Variants in FMN1 observed in about 807,000 individuals in gnomAD.
FMN1 encodes formin 1, also known as formin-1.
A neutral mutation model predicts 132.4 loss-of-function variants in FMN1; 110 were observed. The observed-to-expected ratio is 0.83, with a 90% CI of 0.71 to 0.97. The LOEUF is 0.97. FMN1 is among the 50% of genes least tolerant of loss of function. The pLI is 0.00. For missense variants in FMN1, 1,792 were observed against 1,705.3 expected (o/e 1.05, Z -0.90); for synonymous variants, 722 against 651.7 (o/e 1.11, Z -1.64).
At chr15:32,973,685 C>CA (rs2031978874) in intron 7 of FMN1, among the ~76,000 whole-genome samples, 2 of 151,994 alleles carry the variant, frequency 1.3e-5, no homozygotes, top group Admixed American at 1.3e-4. Context: ...CAGAGCAACT[C>CA]AAAGTGATTA....
At chr15:32,982,653 T>A (rs764381826) in intron 7 of FMN1, among the ~76,000 whole-genome samples, 13 of 152,132 alleles carry the variant, frequency 8.5e-5, no homozygotes, top group African/African-American at 3.1e-4. Flanking sequence ...CTAATGTAGG[T>A]GGGCCTCATG....
At position 33,154,106 on chromosome 15, in the gene FMN1, T is replaced by G. The variant is rs1964566873; in HGVS notation, c.809A>C (p.Asp270Ala). The G allele has an allele frequency of 1.2e-5, 18 of 1,536,224 alleles. No homozygotes were observed. The highest frequency in any genetic ancestry group is 1.6e-5 in the Non-Finnish European group (18 of 1,146,958). Residue 270 changes from aspartate to alanine, a missense_variant, in exon 4 of 21, where the codon GAC (aspartate) becomes GCC (alanine). Transcript: ENST00000616417. Reference sequence around the variant, plus strand: ...CCCTCCTGCCTCTGTGGAGCTGCAGTCAGGGGGCAGCACTTCTCTTCCAAG... The same window carrying G: ...CCCTCCTGCCTCTGTGGAGCTGCAGGCAGGGGGCAGCACTTCTCTTCCAAG... ...TGLGREVLPP[D>A]CSSTEAGGDG...
rs375946949 is a variant in FMN1, at chr15:32,995,255, T to C, written c.2223+12759A>G. Among the ~76,000 whole-genome samples, 11 of 152,262 alleles carry C rather than the reference T, an allele frequency of 7.2e-5. No individual in the cohort carries two copies. The South Asian group carries it at 2.3e-3, about 32-fold the overall frequency. On this transcript the variant is annotated intron_variant, in intron 7 of 20. Transcript: ENST00000616417. Reference sequence around the variant, plus strand: ...AGACACCTGTAACAGCTTTCCAAGATAGTGTATGAAATTGCCACAATCAGA... The same window carrying C: ...AGACACCTGTAACAGCTTTCCAAGACAGTGTATGAAATTGCCACAATCAGA...
At chr15:33,155,475 G>A (rs1241303369) in intron 3 of FMN1, among the ~76,000 whole-genome samples, 2 of 152,124 alleles carry the variant, frequency 1.3e-5, no homozygotes, top group Non-Finnish European at 2.9e-5. Context: ...ACTTTGCAAA[G>A]GTAGATCGAT....
intron 4 of FMN1, chr15:33,149,976 T>C: frequency 1.0e-6 from 1 of 985,344 alleles, no homozygotes; most frequent in Non-Finnish European, 1.2e-6. Context: ...AATTACATAT[T>C]TTCATGGGCA....
chr15:32,990,934 C>G (rs1349867395), intron 7 of FMN1, among the ~76,000 whole-genome samples: 5 of 152,150 alleles, frequency 3.3e-5, no homozygotes, highest in African/African-American at 1.2e-4. Flanking sequence ...TTAATTACCT[C>G]CCACCAGGTT....
At chr15:33,061,546 TCCTA>T (rs1002210429) in intron 6 of FMN1, among the ~76,000 whole-genome samples, 9 of 152,114 alleles carry the variant, frequency 5.9e-5, no homozygotes, top group African/African-American at 1.4e-4. Context: ...ACATTATCAT[TCCTA>T]CCTCACATTG....
intron 16 of FMN1, among the ~76,000 whole-genome samples, chr15:32,863,425 C>T (rs2059321582): frequency 6.6e-6 from 1 of 152,132 alleles, no homozygotes; most frequent in African/African-American, 2.4e-5. Flanking sequence ...CAGAGCGAGA[C>T]TCCATCTCAA....
At chr15:33,164,030 G>C (rs1965000880) in intron 3 of FMN1, among the ~76,000 whole-genome samples, 1 of 152,090 alleles carries the variant, frequency 6.6e-6, no homozygotes, top group African/African-American at 2.4e-5. Flanking sequence ...ATGAAACATG[G>C]GAAAAAAGGC....
rs148423247 is a variant in FMN1, at chr15:32,842,223, C to T, written c.3928+14792G>A. On this transcript the variant is annotated intron_variant, in intron 17 of 20. Coordinates refer to ENST00000616417, the MANE Select transcript of FMN1 (RefSeq NM_001277313.2). ...AACTATGTAAGAAGGCTAACTACTG[C>T]GAGACCACCATGCTATGAGAAAGCG... Among the ~76,000 whole-genome samples the T allele has an allele frequency of 4.0e-3, 607 of 152,298 alleles. 3 individuals carry two copies. Among genetic ancestry groups the T allele is most frequent in the African/African-American group, 0.014 (579 of 41,568 alleles).
At position 32,769,404 on chromosome 15, in the gene FMN1, A is replaced by G. The variant is rs2056152856; in HGVS notation, c.*4906T>C. The G allele has an allele frequency of 6.6e-6, 1 of 152,240 alleles. No homozygotes were observed. Among genetic ancestry groups the G allele is most frequent in the South Asian group, 2.1e-4 (1 of 4,836 alleles). 9.4% of individuals were successfully genotyped at this position (152,240 alleles called of 1,614,324 possible). ...GTGAAACCAAAATGCAGTGCCTCTA[A>G]TAAGGTGTCAACAGCGGACAGGTGT... On this transcript the variant is annotated 3_prime_UTR_variant, in exon 21 of 21. Transcript: ENST00000616417.
At chr15:33,106,923 T>C (rs2039509634) in intron 4 of FMN1, among the ~76,000 whole-genome samples, 1 of 152,064 alleles carries the variant, frequency 6.6e-6, no homozygotes, top group African/African-American at 2.4e-5. Context: ...CAGTCTCAGT[T>C]TTAAATATCA....
intron 6 of FMN1, chr15:33,064,181 G>C (rs1354503651): frequency 2.0e-5 from 3 of 152,122 alleles, no homozygotes; most frequent in Admixed American, 2.0e-4. Flanking sequence ...TAGATAGATA[G>C]ACCTCAATGC....
intron 4 of FMN1, among the ~76,000 whole-genome samples, chr15:33,094,073 A>G (rs535921510): frequency 6.6e-6 from 1 of 152,254 alleles, no homozygotes; most frequent in South Asian, 2.1e-4. Context: ...TCTCCAGATG[A>G]GAATATTGAG....
Position 32,798,576 on chromosome 15 carries a change from G to C in FMN1, c.4130+228C>G, listed in dbSNP as rs141606275. The stretch of plus-strand genomic sequence containing the variant: ...TCATTTACTAGCTAGTAATTGGAAG[G>C]GGTTAAGAAAGTGTAACTTATCAGA... On this transcript the variant is annotated intron_variant, in intron 19 of 20. Coordinates refer to ENST00000616417, the MANE Select transcript of FMN1 (RefSeq NM_001277313.2). Among the ~76,000 whole-genome samples the C allele has an allele frequency of 8.9e-3, 1,361 of 152,242 alleles. 20 individuals carry two copies. The highest frequency in any genetic ancestry group is 0.031 in the African/African-American group (1,293 of 41,532).
intron 3 of FMN1, among the ~76,000 whole-genome samples, chr15:33,164,054 G>T (rs963082304): frequency 6.6e-6 from 1 of 152,150 alleles, no homozygotes; most frequent in African/African-American, 2.4e-5. Flanking sequence ...AGAGGAAGAA[G>T]ACATGGGCTC....
At chr15:33,019,562 G>T (rs345839) in intron 6 of FMN1, among the ~76,000 whole-genome samples, 101,617 of 151,842 alleles carry the variant, frequency 0.67, 34,942 homozygotes, top group Non-Finnish European at 0.75. Context: ...CTCTGGCAGC[G>T]CAGAAGCCCG....
At chr15:33,151,930 CT>C (rs1317693596) in intron 4 of FMN1, among the ~76,000 whole-genome samples, 1 of 152,210 alleles carries the variant, frequency 6.6e-6, no homozygotes, top group African/African-American at 2.4e-5. Context: ...GCTCTACCCC[CT>C]GGATCAATGA....
intron 6 of FMN1, among the ~76,000 whole-genome samples, chr15:33,026,110 CACA>C (rs2035656004): frequency 9.1e-6 from 1 of 109,842 alleles, no homozygotes; most frequent in Non-Finnish European, 2.2e-5. Context: ...CACACACACA[CACA>C]CACACACACA....
Sources: allele counts gnomAD v4.1 joint callset (sites outside exome capture counted in the v4.1 genomes callset), GRCh38; gene constraint gnomAD v4.1.1; transcripts MANE v1.5; gene names NCBI Gene and HGNC (gene_info 2026-07-23, HGNC 2026-07-21).